TPD52: variants seen among roughly 807,000 people sequenced by gnomAD.
TPD52 encodes the protein prostate and colon associated protein.
TPD52 carries 17 observed loss-of-function variants against 31.3 expected under a neutral mutation model. The observed-to-expected ratio is 0.54, with a 90% CI of 0.37 to 0.82. TPD52 has a LOEUF of 0.82. TPD52 is among the 40% of genes least tolerant of loss of function. The pLI is 0.00. For missense variants in TPD52, 212 were observed against 240.1 expected (o/e 0.88, Z 0.77); for synonymous variants, 83 against 89.6 (o/e 0.93, Z 0.42).
chr8:80,081,521 C>G (rs1815287617), intron 1 of TPD52, among the ~76,000 whole-genome samples: 1 of 151,140 alleles, frequency 6.6e-6, no homozygotes, highest in Admixed American at 6.6e-5. Context: ...TCTGTTACTG[C>G]ATAACAAAAA....
chr8:80,091,934 T>C (rs1323437462), intron 1 of TPD52, among the ~76,000 whole-genome samples: 1 of 152,248 alleles, frequency 6.6e-6, no homozygotes, highest in African/African-American at 2.4e-5. Context: ...CTCTGAATAC[T>C]GATGTTACAG....
intron 1 of TPD52, among the ~76,000 whole-genome samples, chr8:80,083,813 TTGGTCCTGTCCTG>T (rs1815522543): frequency 6.6e-6 from 1 of 152,204 alleles, no homozygotes. Flanking sequence ...CAGGTAAGAT[TTGGTCCTGTCCTG>T]TGGATAATTC....
intron 7 of TPD52, among the ~76,000 whole-genome samples, chr8:80,039,526 G>A (rs1006673650): frequency 2.6e-5 from 4 of 151,858 alleles, no homozygotes; most frequent in East Asian, 1.9e-4. Context: ...GTACAACTCC[G>A]TCCTTCCATC....
chr8:80,115,984 GAAGTA>G (rs1317741287), intron 1 of TPD52, among the ~76,000 whole-genome samples: 7 of 152,056 alleles, frequency 4.6e-5, no homozygotes, highest in Admixed American at 2.0e-4. Flanking sequence ...AAAAGACAAA[GAAGTA>G]AAGGATATCA....
At chr8:80,135,776 T>TA (rs1361155861) in intron 1 of TPD52, among the ~76,000 whole-genome samples, 1 of 144,890 alleles carries the variant, frequency 6.9e-6, no homozygotes, top group Non-Finnish European at 1.5e-5. Context: ...ATGTGGCACA[T>TA]ATACACCATG....
Position 80,167,876 on chromosome 8 carries a change from T to A in TPD52, c.19+3549A>T, listed in dbSNP as rs1273314947. Among the ~76,000 whole-genome samples, 30 of 152,214 alleles carry A rather than the reference T, an allele frequency of 2.0e-4. 1 individual carries two copies. Among genetic ancestry groups the A allele is most frequent in the Admixed American group, 2.0e-3 (30 of 15,282 alleles). On this transcript the variant is annotated intron_variant, in intron 1 of 7. Coordinates refer to ENST00000518937, the MANE Select transcript of TPD52 (RefSeq NM_001025253.3). ...TGTAGTGGGCTACGTGACTGTCACT[T>A]CTATATAACAGTGCTAAACTAAAGG...
At chr8:80,079,959 G>T (rs1815050229) in intron 1 of TPD52, among the ~76,000 whole-genome samples, 1 of 152,068 alleles carries the variant, frequency 6.6e-6, no homozygotes, top group African/African-American at 2.4e-5. Flanking sequence ...AGAAAAATCG[G>T]GAAAGTTGTC....
At chr8:80,114,428 T>C (rs959735400) in intron 1 of TPD52, among the ~76,000 whole-genome samples, 3 of 152,202 alleles carry the variant, frequency 2.0e-5, no homozygotes, top group Admixed American at 1.3e-4. Flanking sequence ...AGCAGGAATT[T>C]TTTTTCTGGT....
downstream of TPD52, among the ~76,000 whole-genome samples, chr8:80,034,326 G>A (rs1023517133): frequency 1.3e-5 from 2 of 151,848 alleles, no homozygotes; most frequent in African/African-American, 4.8e-5. Context: ...GCTGCACCCA[G>A]GAGCACAAGC....
intron 1 of TPD52, among the ~76,000 whole-genome samples, chr8:80,067,700 T>A (rs1188871886): frequency 2.6e-5 from 4 of 151,944 alleles, no homozygotes; most frequent in Non-Finnish European, 2.9e-5. Flanking sequence ...ATCACTGATC[T>A]GAAAACAAAG....
At chr8:80,041,861 G>A (rs868326471) in intron 7 of TPD52, among the ~76,000 whole-genome samples, 8 of 152,012 alleles carry the variant, frequency 5.3e-5, no homozygotes, top group South Asian at 2.1e-4. Context: ...AGGCCGAGGC[G>A]GGCGGATCAC....
At chr8:80,038,365 A>G in intron 7 of TPD52, 130 bp from the exon 8 acceptor site, 5 of 910,308 alleles carry the variant, frequency 5.5e-6, no homozygotes, top group Non-Finnish European at 8.1e-6. Context: ...ATTATTATAT[A>G]TGTATGGAAT....
chr8:80,118,517 G>A lies in TPD52; in HGVS notation c.19+52908C>T, dbSNP rs141130805. Among the ~76,000 whole-genome samples, 94 of 152,278 alleles carry A rather than the reference G, an allele frequency of 6.2e-4. No individual in the cohort carries two copies. The East Asian group carries it at 0.016, about 27-fold the overall frequency. On this transcript the variant is annotated intron_variant, in intron 1 of 7. Coordinates refer to ENST00000518937, the MANE Select transcript of TPD52 (RefSeq NM_001025253.3). ...AACCCACAGAATGTGAGGAAATACT[G>A]TAAAATCATCTATCTGATGATGGCA... is the stretch of plus-strand genomic sequence containing the variant.
intron 1 of TPD52, among the ~76,000 whole-genome samples, chr8:80,099,523 T>C (rs957971605): frequency 1.3e-5 from 2 of 151,214 alleles, no homozygotes; most frequent in African/African-American, 4.9e-5. Flanking sequence ...TTTTTTTTTT[T>C]TTTTTGAGAT....
At chr8:80,050,351 A>G in intron 5 of TPD52, 94 bp downstream of exon 5, 1 of 1,281,498 alleles carries the variant, frequency 7.8e-7, no homozygotes, top group East Asian at 2.5e-5. Context: ...TGTACTGGAC[A>G]AACACGATCA....
chr8:80,108,178 T>C lies in TPD52; in HGVS notation c.20-43585A>G, dbSNP rs190694630. On this transcript the variant is annotated intron_variant, in intron 1 of 7. Transcript: ENST00000518937. ...TTCAAATGCTTTCGGCTCAAAGCAA[T>C]CAATATTCCAAAGCAGTAAATTTTG... Among the ~76,000 whole-genome samples, 135 of 152,266 alleles carry C rather than the reference T, an allele frequency of 8.9e-4. No individual in the cohort carries two copies. In the Middle Eastern group the frequency reaches 0.014, roughly 15 times the overall value.
At chr8:80,047,385 T>A (rs1810965702) in intron 5 of TPD52, among the ~76,000 whole-genome samples, 1 of 152,230 alleles carries the variant, frequency 6.6e-6, no homozygotes, top group Non-Finnish European at 1.5e-5. Flanking sequence ...GAAACATGAA[T>A]TAGCATCTAC....
intron 1 of TPD52, among the ~76,000 whole-genome samples, chr8:80,073,297 G>GCCA (rs1046721818): frequency 1.1e-4 from 16 of 152,108 alleles, no homozygotes; most frequent in Non-Finnish European, 1.3e-4. Context: ...ATGTTGTACA[G>GCCA]CCATCTCTGC....
intron 1 of TPD52, among the ~76,000 whole-genome samples, chr8:80,137,234 C>T (rs1809497830): frequency 6.6e-6 from 1 of 152,090 alleles, no homozygotes; most frequent in African/African-American, 2.4e-5. Context: ...TAAATAGACA[C>T]AGGGTGATGA....
Sources: gnomAD v4.1 joint callset for allele counts (sites outside exome capture counted in the v4.1 genomes callset) on GRCh38, gnomAD v4.1.1 for gene constraint, MANE v1.5 for transcripts, NCBI Gene and HGNC (gene_info 2026-07-23, HGNC 2026-07-21) for gene names.